The following MDGA2 variants were observed in gnomAD, a reference collection of about 807,000 sequenced individuals.
MDGA2 encodes MAM domain-containing glycosylphosphatidylinositol anchor protein 2.
A neutral mutation model predicts 117.8 loss-of-function variants in MDGA2; 40 were observed. The ratio of observed to expected loss-of-function variants is 0.34; its 90% CI spans 0.26 to 0.44. The LOEUF is 0.44. MDGA2 is among the 20% of genes least tolerant of loss of function. The pLI, the probability that MDGA2 is intolerant of heterozygous loss-of-function variation, is 1.00. For missense variants in MDGA2, 1,123 were observed against 1,250.6 expected, an observed-to-expected ratio of 0.90 and a Z score of 1.54; for synonymous variants, 452 against 439.0, an observed-to-expected ratio of 1.03 and a Z score of -0.37.
chr14:47,097,176 A>G, intron 5 of MDGA2, 53 bp from the exon 6 acceptor site: 5 of 1,569,066 alleles, frequency 3.2e-6, no homozygotes, highest in Non-Finnish European at 4.4e-6. Context: ...CTACAACTAG[A>G]ATTCAACAGC....
intron 3 of MDGA2, among the ~76,000 whole-genome samples, chr14:47,191,853 C>A (rs760899878): frequency 4.6e-5 from 7 of 151,160 alleles, no homozygotes; most frequent in Non-Finnish European, 1.0e-4. Context: ...ATGAACCCAC[C>A]CATGATGAGC....
At chr14:47,371,021 A>C (rs903973169) in intron 1 of MDGA2, among the ~76,000 whole-genome samples, 1 of 151,796 alleles carries the variant, frequency 6.6e-6, no homozygotes, top group Admixed American at 6.6e-5. Context: ...GACTTGAAAA[A>C]CTTCTTTAAA....
At chr14:46,880,438 C>T (rs1246654246) in intron 11 of MDGA2, among the ~76,000 whole-genome samples, 2 of 151,998 alleles carry the variant, frequency 1.3e-5, no homozygotes, top group Non-Finnish European at 2.9e-5. Flanking sequence ...ACAGCTAACA[C>T]TGAATATTAA....
intron 8 of MDGA2, among the ~76,000 whole-genome samples, chr14:47,032,926 G>A (rs1029436019): frequency 1.9e-4 from 29 of 152,284 alleles, no homozygotes; most frequent in African/African-American, 7.0e-4. Flanking sequence ...GGGCAGGCCA[G>A]GGAAGTTTTC....
At chr14:46,913,067 T>G (rs958001383) in intron 10 of MDGA2, among the ~76,000 whole-genome samples, 3 of 152,116 alleles carry the variant, frequency 2.0e-5, no homozygotes, top group African/African-American at 7.2e-5. Context: ...ACTAAAGAAA[T>G]TGAAGTGAAT....
chr14:47,133,989 A>T (rs1377313686), intron 4 of MDGA2, among the ~76,000 whole-genome samples: 1 of 152,090 alleles, frequency 6.6e-6, no homozygotes, highest in Non-Finnish European at 1.5e-5. Flanking sequence ...AGCTTTATTG[A>T]AGTATAATGG....
At chr14:47,125,426 T>C (rs1881852309) in intron 5 of MDGA2, among the ~76,000 whole-genome samples, 1 of 152,086 alleles carries the variant, frequency 6.6e-6, no homozygotes, top group South Asian at 2.1e-4. Flanking sequence ...TATACTGAAA[T>C]TCACAACAAT....
intron 1 of MDGA2, among the ~76,000 whole-genome samples, chr14:47,403,916 T>G (rs909363389): frequency 1.3e-5 from 2 of 152,106 alleles, no homozygotes; most frequent in African/African-American, 2.4e-5. Flanking sequence ...GAGATGTATC[T>G]AAAAAGTGGG....
chr14:47,245,632 CA>C lies in MDGA2; in HGVS notation c.421-27438del, dbSNP rs572202693. 2.2e-4 allele frequency among the ~76,000 whole-genome samples: 33 copies of C among 151,730 alleles called. No homozygotes were observed. In the South Asian group the frequency reaches 6.5e-3, roughly 30 times the overall value. On this transcript the variant is annotated intron_variant, in intron 2 of 16. Transcript: ENST00000399232. The stretch of plus-strand genomic sequence containing the variant: ...TCTGTCCTGACCACAGAAAATTGTT[CA>C]AGACATACTTTAAGTGAAAAAAGTA...
intron 2 of MDGA2, among the ~76,000 whole-genome samples, chr14:47,264,100 T>C (rs1566709630): frequency 6.6e-6 from 1 of 152,156 alleles, no homozygotes; most frequent in Non-Finnish European, 1.5e-5. Flanking sequence ...TGTGTAATAA[T>C]TTAATAACTG....
chr14:47,410,177 T>C (rs1892343582), intron 1 of MDGA2, among the ~76,000 whole-genome samples: 1 of 152,154 alleles, frequency 6.6e-6, no homozygotes, highest in Admixed American at 6.6e-5. Context: ...AGTTAATCTT[T>C]GGAACTAAAG....
chr14:47,522,372 TAC>T (rs1555329325), intron 1 of MDGA2, among the ~76,000 whole-genome samples: 2,828 of 150,210 alleles, frequency 0.019, 33 homozygotes, highest in Middle Eastern at 0.031. Flanking sequence ...TGTGTATATA[TAC>T]ACACACACAC....
At chr14:47,052,472 G>C (rs1255075255) in intron 7 of MDGA2, among the ~76,000 whole-genome samples, 1 of 151,678 alleles carries the variant, frequency 6.6e-6, no homozygotes, top group Non-Finnish European at 1.5e-5. Flanking sequence ...GATAATTGGA[G>C]GGAAATTATA....
intron 8 of MDGA2, among the ~76,000 whole-genome samples, chr14:47,019,999 A>G (rs1888229659): frequency 1.3e-5 from 2 of 152,168 alleles, no homozygotes; most frequent in African/African-American, 4.8e-5. Flanking sequence ...TGAATGCAGA[A>G]ACTTCACTTT....
At chr14:47,408,440 G>C (rs966899464) in intron 1 of MDGA2, among the ~76,000 whole-genome samples, 2 of 152,206 alleles carry the variant, frequency 1.3e-5, no homozygotes, top group Admixed American at 6.5e-5. Context: ...AAGTGTAAAG[G>C]AGGTGAGGCA....
intron 4 of MDGA2, among the ~76,000 whole-genome samples, chr14:47,134,695 T>C (rs1882365346): frequency 6.6e-6 from 1 of 151,736 alleles, no homozygotes; most frequent in Non-Finnish European, 1.5e-5. Flanking sequence ...TACATGCAGT[T>C]ACATATATAT....
At chr14:47,104,086 T>C (rs1236407998) in intron 5 of MDGA2, among the ~76,000 whole-genome samples, 1 of 152,224 alleles carries the variant, frequency 6.6e-6, no homozygotes, top group African/African-American at 2.4e-5. Context: ...TTACCAGGCT[T>C]GACTGGGATA....
chr14:46,934,720 A>C (rs1292585742), intron 9 of MDGA2, among the ~76,000 whole-genome samples: 1 of 152,166 alleles, frequency 6.6e-6, no homozygotes, highest in African/African-American at 2.4e-5. Context: ...ACAATCAGAA[A>C]TCCCTCCTTA....
rs1215307983 is a variant in MDGA2, at chr14:47,567,514, A to C, written c.280+107003T>G. 2.6e-5 allele frequency among the ~76,000 whole-genome samples: 4 copies of C among 152,178 alleles called. No homozygotes were observed. The East Asian group carries it at 7.7e-4, about 29-fold the overall frequency. ...ATTTCATCTTTCTGAGCTCATTCCA[A>C]CTATGACAGAGAATGCCTTCATATG... On this transcript the variant is annotated intron_variant, in intron 1 of 16. Coordinates refer to ENST00000399232, the MANE Select transcript of MDGA2 (RefSeq NM_001113498.3).
Sources: gnomAD v4.1 joint callset for allele counts (sites outside exome capture counted in the v4.1 genomes callset) on GRCh38, gnomAD v4.1.1 for gene constraint, MANE v1.5 for transcripts, NCBI Gene and HGNC (gene_info 2026-07-23, HGNC 2026-07-21) for gene names.